The following FAM107B variants were observed in gnomAD, a reference collection of about 807,000 sequenced individuals.
FAM107B encodes the protein family with sequence similarity 107 member B, also known as protein FAM107B.
A neutral mutation model predicts 31.5 loss-of-function variants in FAM107B; 21 were observed. The ratio of observed to expected loss-of-function variants is 0.67; its 90% confidence interval spans 0.47 to 0.96. The LOEUF (loss-of-function observed/expected upper bound fraction) is 0.96, where lower values mean the gene tolerates loss of function less well. Among genes scored for constraint, FAM107B ranks in the 40% least tolerant of loss-of-function variants. The probability of loss-of-function intolerance (pLI) is 0.00; values close to 1 mark genes in which losing one functional copy is unlikely to be tolerated. For synonymous variants in FAM107B, 157 were observed against 141.5 expected, an observed-to-expected ratio of 1.11 and a Z score of -0.78; for missense variants, 452 against 377.1, an observed-to-expected ratio of 1.20 and a Z score of -1.64.
intron 1 of FAM107B, among the ~76,000 whole-genome samples, chr10:14,755,356 A>G (rs535302313): frequency 6.6e-6 from 1 of 152,266 alleles, no homozygotes; most frequent in South Asian, 2.1e-4. Flanking sequence ...AACCTGGCCA[A>G]CATGGTGAAA....
chr10:14,589,930 T>C (rs1422932149), intron 2 of FAM107B, among the ~76,000 whole-genome samples: 2 of 152,180 alleles, frequency 1.3e-5, no homozygotes, highest in East Asian at 3.8e-4. Flanking sequence ...AACATCCTCC[T>C]CAGAAAATAA....
At chr10:14,730,923 G>A (rs1856158387) in intron 1 of FAM107B, among the ~76,000 whole-genome samples, 1 of 152,056 alleles carries the variant, frequency 6.6e-6, no homozygotes, top group Admixed American at 6.6e-5. Context: ...AGGGGGCAGA[G>A]GTGACTTTAG....
At chr10:14,665,905 TA>T (rs749691916) in intron 2 of FAM107B, among the ~76,000 whole-genome samples, 53 of 152,206 alleles carry the variant, frequency 3.5e-4, no homozygotes, top group Non-Finnish European at 5.7e-4. Context: ...TGCCATGTCA[TA>T]TTTTTTTTCA....
At chr10:14,607,168 G>T (rs1304016477) in intron 2 of FAM107B, among the ~76,000 whole-genome samples, 2 of 152,088 alleles carry the variant, frequency 1.3e-5, no homozygotes, top group Non-Finnish European at 2.9e-5. Context: ...CATACTCTGG[G>T]GTATAAATGC....
At position 14,580,708 on chromosome 10, in the gene FAM107B, G is replaced by A. The variant is rs145304193; in HGVS notation, c.470-50193C>T. 7.3e-3 allele frequency among the ~76,000 whole-genome samples: 1,113 copies of A among 151,670 alleles called. 11 individuals are homozygous for A. Among genetic ancestry groups the A allele is most frequent in the African/African-American group, 0.025 (1,045 of 41,328 alleles). ...TGTGTTTTATTAAAAAAAAAAAACT[G>A]TTAAAGGCCAAAGACATAGGATTAT... On this transcript the variant is annotated intron_variant, in intron 2 of 4. Coordinates refer to ENST00000181796, the MANE Select transcript of FAM107B (RefSeq NM_031453.4).
intron 1 of FAM107B, among the ~76,000 whole-genome samples, chr10:14,680,035 A>G (rs186945851): frequency 6.6e-6 from 1 of 152,172 alleles, no homozygotes; most frequent in South Asian, 2.1e-4. Flanking sequence ...ATACTCCTTA[A>G]TAAACTCCCC....
intron 2 of FAM107B, among the ~76,000 whole-genome samples, chr10:14,569,585 G>C (rs1851016758): frequency 6.6e-6 from 1 of 152,144 alleles, no homozygotes; most frequent in Admixed American, 6.5e-5. Context: ...AGGTACTTCT[G>C]TTCAGTGTAA....
At chr10:14,682,425 A>T (rs1854859561) in intron 1 of FAM107B, among the ~76,000 whole-genome samples, 1 of 152,198 alleles carries the variant, frequency 6.6e-6, no homozygotes, top group Non-Finnish European at 1.5e-5. Context: ...GCTACTCAGG[A>T]GGCTGAGGCA....
rs191597605 is a variant in FAM107B, at chr10:14,562,091, G to A, written c.470-31576C>T. On this transcript the variant is annotated intron_variant, in intron 2 of 4. Coordinates refer to ENST00000181796, the MANE Select transcript of FAM107B (RefSeq NM_031453.4). ...GTGAGCCACTACGCCCGGCCTTAGA[G>A]TGCATTTTCTACTCCAAAAAGTTCA... Among the ~76,000 whole-genome samples the A allele has an allele frequency of 2.6e-3, 391 of 152,270 alleles. 1 individual carries two copies. The highest frequency in any genetic ancestry group is 9.1e-3 in the African/African-American group (380 of 41,562).
intron 2 of FAM107B, among the ~76,000 whole-genome samples, chr10:14,533,912 C>T (rs1269193406): frequency 6.6e-6 from 1 of 152,114 alleles, no homozygotes; most frequent in East Asian, 1.9e-4. Flanking sequence ...GACACGGGCA[C>T]TGCGAGCCGG....
intron 1 of FAM107B, among the ~76,000 whole-genome samples, chr10:14,690,493 G>A (rs958410678): frequency 4.6e-5 from 7 of 151,236 alleles, no homozygotes; most frequent in South Asian, 2.1e-4. Context: ...TCGCTCTGTC[G>A]CCCAGGCTGG....
At chr10:14,712,769 T>C (rs1197588210) in intron 1 of FAM107B, among the ~76,000 whole-genome samples, 1 of 152,198 alleles carries the variant, frequency 6.6e-6, no homozygotes, top group Non-Finnish European at 1.5e-5. Context: ...AGAAGTGTTG[T>C]TGTTTTTCAT....
intron 3 of FAM107B, chr10:14,522,232 T>C (rs1588456453): frequency 1.6e-6 from 1 of 620,424 alleles, no homozygotes; most frequent in East Asian, 3.0e-5. Flanking sequence ...ATAAAATCCA[T>C]TCATTCAATG....
chr10:14,548,301 C>T (rs1482411213), intron 2 of FAM107B: 1 of 438,848 alleles, frequency 2.3e-6, no homozygotes, highest in Non-Finnish European at 3.0e-6. Flanking sequence ...ACACGGACAC[C>T]CTGGGGGTCC....
chr10:14,554,323 G>A (rs1231120020), intron 2 of FAM107B: 2 of 183,630 alleles, frequency 1.1e-5, no homozygotes, highest in Non-Finnish European at 2.1e-5. Context: ...AGGAAGGGAG[G>A]TGAGTGCTAG....
At chr10:14,604,162 G>A (rs1346623909) in intron 2 of FAM107B, 6 of 766,298 alleles carry the variant, frequency 7.8e-6, no homozygotes, top group African/African-American at 5.7e-5. Context: ...CCCCGGAGCC[G>A]GGGTCGGGCA....
At chr10:14,627,421 C>A (rs1474116888) in intron 2 of FAM107B, among the ~76,000 whole-genome samples, 1 of 152,142 alleles carries the variant, frequency 6.6e-6, no homozygotes, top group Admixed American at 6.5e-5. Flanking sequence ...CTGTTAAAAT[C>A]ATGCAAATAT....
chr10:14,581,492 G>A (rs927490166), intron 2 of FAM107B, among the ~76,000 whole-genome samples: 1 of 152,238 alleles, frequency 6.6e-6, no homozygotes, highest in African/African-American at 2.4e-5. Flanking sequence ...TGGCCTGAAA[G>A]ACGTTCGTTC....
chr10:14,573,160 G>C (rs747552933), intron 2 of FAM107B, among the ~76,000 whole-genome samples: 2 of 152,120 alleles, frequency 1.3e-5, no homozygotes, highest in East Asian at 3.9e-4. Context: ...AACAGGCTTG[G>C]TGGAAAGCTC....
Sources: gnomAD v4.1 joint callset for allele counts (sites outside exome capture counted in the v4.1 genomes callset) on GRCh38, gnomAD v4.1.1 for gene constraint, MANE v1.5 for transcripts, NCBI Gene and HGNC (gene_info 2026-07-23, HGNC 2026-07-21) for gene names.